LARP1: variants seen among roughly 807,000 people sequenced by gnomAD.
LARP1 encodes the protein La ribonucleoprotein 1, translational regulator, also known as la-related protein 1.
Under a neutral mutation model 122.7 loss-of-function variants are expected in LARP1, and 36 were observed. The observed-to-expected ratio is 0.29, with a 90% CI of 0.22 to 0.39. The LOEUF (loss-of-function observed/expected upper bound fraction) is 0.39. Among genes scored for constraint, LARP1 ranks in the 10% least tolerant of loss-of-function variants. The probability of loss-of-function intolerance (pLI) is 1.00; values close to 1 mark genes in which losing one functional copy is unlikely to be tolerated. For missense variants in LARP1, 1,040 were observed against 1,403.6 expected (o/e 0.74, Z 4.14); for synonymous variants, 539 against 528.7 (o/e 1.02, Z -0.27).
chr5:154,777,847 A>T (rs1215025442), intron 1 of LARP1, among the ~76,000 whole-genome samples: 11 of 152,210 alleles, frequency 7.2e-5, no homozygotes, highest in Non-Finnish European at 1.2e-4. Flanking sequence ...AAATTAAAAA[A>T]ATATATATAA....
At chr5:154,763,423 A>G (rs891520389) in intron 1 of LARP1, among the ~76,000 whole-genome samples, 6 of 151,790 alleles carry the variant, frequency 4.0e-5, no homozygotes, top group Non-Finnish European at 2.9e-5. Context: ...GGAGACGTTT[A>G]GCAACTCTGT....
intron 4 of LARP1, 63 bp downstream of exon 4, chr5:154,792,859 T>C: frequency 6.5e-7 from 1 of 1,531,052 alleles, no homozygotes; most frequent in East Asian, 2.3e-5. Flanking sequence ...ATGTCAGGAC[T>C]CCAGGGGACT....
chr5:154,806,677 G>A lies in LARP1; in HGVS notation c.2698+645G>A, dbSNP rs537834704. 5.9e-5 allele frequency among the ~76,000 whole-genome samples: 9 copies of A among 152,290 alleles called. No individual in the cohort carries two copies. In the South Asian group the frequency reaches 6.2e-4, roughly 11 times the overall value. On this transcript the variant is annotated intron_variant, in intron 15 of 18. Transcript: ENST00000518297. ...TCTGATAGGTTGGCTGTAAAGACGC[G>A]CAAAACCAATCTAGTCACCTGTAGT...
At position 154,787,158 on chromosome 5, in the gene LARP1, C is replaced by A. The variant is rs1582409142; in HGVS notation, c.437-3167C>A. 1.3e-5 allele frequency among the ~76,000 whole-genome samples: 2 copies of A among 152,310 alleles called. 1 individual carries two copies. The highest frequency in any genetic ancestry group is 4.8e-5 in the African/African-American group (2 of 41,566). On this transcript the variant is annotated intron_variant, in intron 1 of 18. Coordinates refer to ENST00000518297, the MANE Select transcript of LARP1 (RefSeq NM_033551.3). ...CCTCCCAAAGTGCTGGGATTACAGG[C>A]GTGAGCCACCGTGTCTGGCTATAAC...
chr5:154,690,681 A>G (rs1394755560), intron 1 of LARP1, among the ~76,000 whole-genome samples: 1 of 152,142 alleles, frequency 6.6e-6, no homozygotes, highest in Non-Finnish European at 1.5e-5. Flanking sequence ...CCAGCTGCGG[A>G]GAGCAGGGAC....
rs997722937 is a variant in LARP1 at position 154,814,737 on chromosome 5, C to T, written c.*641C>T. The T allele has an allele frequency of 3.3e-5, 5 of 152,530 alleles. No individual in the cohort carries two copies. Among genetic ancestry groups the T allele is most frequent in the African/African-American group, 1.2e-4 (5 of 41,410 alleles). 9.4% of individuals were successfully genotyped at this position (152,530 alleles called of 1,614,324 possible). A position where few individuals can be genotyped will look rare whatever the true frequency, so the allele number is the denominator to read the frequency against. ...TTTGGGGGAAGGTTTCAGCCTCTCC[C>T]CACTCCCCTTGCCCCACACCCTTTA... On this transcript the variant is annotated 3_prime_UTR_variant, in exon 19 of 19. Coordinates refer to ENST00000518297, the MANE Select transcript of LARP1 (RefSeq NM_033551.3).
chr5:154,754,032 G>GAA (rs1167976478), upstream of LARP1, among the ~76,000 whole-genome samples: 1 of 152,228 alleles, frequency 6.6e-6, no homozygotes, highest in Non-Finnish European at 1.5e-5. Context: ...GATCTTGCTA[G>GAA]ACACGCAGAT....
At chr5:154,775,075 A>G (rs1582371303) in intron 1 of LARP1, among the ~76,000 whole-genome samples, 1 of 152,148 alleles carries the variant, frequency 6.6e-6, no homozygotes, top group South Asian at 2.1e-4. Flanking sequence ...TTGGGAAGCC[A>G]GGGCAAGAGG....
chr5:154,795,876 A>T (rs1310905385), intron 8 of LARP1, among the ~76,000 whole-genome samples: 6 of 131,248 alleles, frequency 4.6e-5, no homozygotes, highest in African/African-American at 1.1e-4. Flanking sequence ...TTTATATATA[A>T]AATATACATT....
chr5:154,763,839 C>A (rs1204055284), intron 1 of LARP1, among the ~76,000 whole-genome samples: 2 of 149,698 alleles, frequency 1.3e-5, no homozygotes, highest in African/African-American at 5.0e-5. Context: ...TACCCCATCT[C>A]TTACAAAAAA....
At chr5:154,693,163 G>A (rs140783990) in intron 1 of LARP1, among the ~76,000 whole-genome samples, 3 of 151,114 alleles carry the variant, frequency 2.0e-5, no homozygotes, top group Admixed American at 6.6e-5. Flanking sequence ...TTTGAGACGG[G>A]GTCTCACTCT....
chr5:154,693,769 C>T (rs6580108), intron 1 of LARP1, among the ~76,000 whole-genome samples: 114,519 of 151,036 alleles, frequency 0.76, 43,865 homozygotes, highest in African/African-American at 0.88. Flanking sequence ...GGCAGGAGAA[C>T]GGCGTGAACT....
chr5:154,793,720 A>G lies in LARP1; in HGVS notation c.865A>G (p.Lys289Glu), dbSNP rs1210165327. The change falls in exon 5 of 19, where the codon AAA (lysine) becomes GAA (glutamate). Residue 289 changes from lysine to glutamate, a missense_variant. Lys to Glu is a moderately conservative substitution (Grantham distance 56). This residue lies in a region of LARP1 where 178 missense variants were observed against 178.3 expected (regional missense o/e 1.00). Transcript: ENST00000518297. The part of the protein sequence containing the change: ...RHIPANRGEI[K>E]GSESATYVPV... The stretch of plus-strand genomic sequence containing the variant: ...CATACCTGCCAATCGCGGAGAGATC[A>G]AAGGTATGCACTACCCACTATGGAG... 2 of 1,614,140 alleles carry G rather than the reference A, an allele frequency of 1.2e-6. No homozygotes were observed. Among genetic ancestry groups the G allele is most frequent in the Admixed American group, 1.7e-5 (1 of 60,026 alleles).
chr5:154,762,114 G>A (rs1464841338), intron 1 of LARP1, among the ~76,000 whole-genome samples: 1 of 152,154 alleles, frequency 6.6e-6, no homozygotes, highest in African/African-American at 2.4e-5. Flanking sequence ...ATGGTGGCGT[G>A]TGCCTGTAGT....
intron 1 of LARP1, among the ~76,000 whole-genome samples, chr5:154,749,191 A>T (rs910407069): frequency 6.6e-6 from 1 of 152,172 alleles, no homozygotes; most frequent in Non-Finnish European, 1.5e-5. Context: ...GGTAGACTGG[A>T]TCACAGTGGG....
intron 1 of LARP1, among the ~76,000 whole-genome samples, chr5:154,759,935 GTTTGTTTGTTTGTTTGTTTT>G (rs1468705461): frequency 2.2e-5 from 3 of 133,712 alleles, no homozygotes; most frequent in African/African-American, 3.2e-5. Flanking sequence ...TTGTTTGTTT[GTTTGTTTGTTTGTTTGTTTT>G]TTTGGAGACA....
At chr5:154,770,374 A>C (rs1263411363) in intron 1 of LARP1, among the ~76,000 whole-genome samples, 1 of 152,062 alleles carries the variant, frequency 6.6e-6, no homozygotes, top group African/African-American at 2.4e-5. Context: ...CCTGATCAGA[A>C]GGGTAGTTTA....
intron 1 of LARP1, among the ~76,000 whole-genome samples, chr5:154,730,708 G>A (rs1035232542): frequency 1.2e-4 from 18 of 151,172 alleles, no homozygotes; most frequent in African/African-American, 4.1e-4. Flanking sequence ...TCCTGACCTT[G>A]TGATCTGCCT....
At position 154,816,964 on chromosome 5, in the gene LARP1, C is replaced by G. The variant is rs1052344356; in HGVS notation, c.*2868C>G. 1.3e-5 allele frequency: 2 copies of G among 152,196 alleles called. No homozygotes were observed. Among genetic ancestry groups the G allele is most frequent in the South Asian group, 2.1e-4 (1 of 4,822 alleles). 9.4% of individuals were successfully genotyped at this position (152,196 alleles called of 1,614,324 possible). On this transcript the variant is annotated 3_prime_UTR_variant, in exon 19 of 19. Coordinates refer to ENST00000518297, the MANE Select transcript of LARP1 (RefSeq NM_033551.3). Reference sequence around the variant, plus strand: ...GACCCCTGGGGCTCAGATAGAGGTGCTGAGCCCCTGTGTCAAAGTTGTTAA... The same window carrying G: ...GACCCCTGGGGCTCAGATAGAGGTGGTGAGCCCCTGTGTCAAAGTTGTTAA...
Sources: gnomAD v4.1 joint callset for allele counts (sites outside exome capture counted in the v4.1 genomes callset) on GRCh38, gnomAD v4.1.1 for gene constraint, gnomAD v4.1.1 regional missense constraint, MANE v1.5 for transcripts, NCBI Gene and HGNC (gene_info 2026-07-23, HGNC 2026-07-21) for gene names.